The following AFF1 variants were observed in gnomAD, a reference collection of about 807,000 sequenced individuals.
The protein encoded by AFF1 is AF4/FMR2 family member 1.
Under a neutral mutation model 121.7 loss-of-function variants are expected in AFF1, and 48 were observed. That is an observed-to-expected ratio of 0.39 (90% CI 0.31 to 0.50). The LOEUF (loss-of-function observed/expected upper bound fraction) is 0.50, where lower values mean the gene tolerates loss of function less well. Among genes scored for constraint, AFF1 ranks in the 20% least tolerant of loss-of-function variants. The probability of loss-of-function intolerance (pLI) is 0.76; values close to 1 mark genes in which losing one functional copy is unlikely to be tolerated. For missense variants in AFF1, 1,523 were observed against 1,511.7 expected (o/e 1.01, Z -0.12); for synonymous variants, 613 against 563.0 (o/e 1.09, Z -1.26).
chr4:87,087,848 C>T (rs147680225), intron 5 of AFF1, among the ~76,000 whole-genome samples: 3 of 151,500 alleles, frequency 2.0e-5, no homozygotes, highest in Non-Finnish European at 4.4e-5. Context: ...TTTTCAGATA[C>T]CTTCTCAATT....
intron 4 of AFF1, among the ~76,000 whole-genome samples, chr4:87,081,150 G>A (rs112827642): frequency 0.017 from 1,881 of 112,174 alleles, 21 homozygotes; most frequent in Non-Finnish European, 0.025. Flanking sequence ...CTAATGAAAT[G>A]AATTTTTTTT....
intron 14 of AFF1, 56 bp from the exon 15 acceptor site, chr4:87,126,970 A>G: frequency 6.8e-7 from 1 of 1,468,210 alleles, no homozygotes; most frequent in South Asian, 1.1e-5. Flanking sequence ...TGGTACTTTT[A>G]GGACAGTGGT....
intron 2 of AFF1, among the ~76,000 whole-genome samples, chr4:87,030,882 G>A (rs1355229143): frequency 6.6e-6 from 1 of 152,136 alleles, no homozygotes; most frequent in African/African-American, 2.4e-5. Flanking sequence ...AGCAAAAGGG[G>A]TCTGGGAATG....
intron 12 of AFF1, 102 bp downstream of exon 12, chr4:87,115,401 TCA>T (rs1727004483): frequency 8.4e-7 from 1 of 1,196,388 alleles, no homozygotes; most frequent in African/African-American, 1.5e-5. Context: ...TTGAGTTGTC[TCA>T]CAAGTCTTTG....
At position 87,026,537 on chromosome 4, in the gene AFF1, G is replaced by A. The variant is rs537835460; in HGVS notation, c.39-19629G>A. Among the ~76,000 whole-genome samples, 8 of 152,274 alleles carry A rather than the reference G, an allele frequency of 5.3e-5. No individual in the cohort carries two copies. The East Asian group carries it at 1.4e-3, about 26-fold the overall frequency. The stretch of plus-strand genomic sequence containing the variant: ...CTGACAAACAGCAGTCTCTGTGTGG[G>A]GACCTTGAGTGGCCATCCAGTTGCT... On this transcript the variant is annotated intron_variant, in intron 2 of 20. Transcript: ENST00000395146.
chr4:87,038,254 C>T (rs1321887048), intron 2 of AFF1, among the ~76,000 whole-genome samples: 3 of 152,148 alleles, frequency 2.0e-5, no homozygotes, highest in Non-Finnish European at 4.4e-5. Flanking sequence ...GACGATTTAG[C>T]TGAGTGATTT....
chr4:86,987,458 T>A (rs1724377328), intron 2 of AFF1, among the ~76,000 whole-genome samples: 1 of 152,050 alleles, frequency 6.6e-6, no homozygotes, highest in Non-Finnish European at 1.5e-5. Context: ...TCAGGGGTCA[T>A]TTAGGGTCTT....
intron 2 of AFF1, among the ~76,000 whole-genome samples, chr4:86,987,867 C>T (rs556554407): frequency 4.6e-5 from 7 of 151,454 alleles, no homozygotes; most frequent in Admixed American, 2.0e-4. Flanking sequence ...GTAGGAGGAT[C>T]GCCTGAGCCC....
Position 87,114,875 on chromosome 4 carries a change from G to C in AFF1, c.2042G>C (p.Ser681Thr). 6.2e-7 allele frequency: 1 copy of C among 1,613,844 alleles called. No individual in the cohort carries two copies. The highest frequency in any genetic ancestry group is 8.5e-7 in the Non-Finnish European group (1 of 1,179,926). ...TCCAGTGAGAAGAAGAAGCACAAGA[G>C]CTCCCTCCCTGCCCCCTCTAAGGCT... The part of the protein sequence containing the change: ...PPSSEKKKHK[S>T]SLPAPSKALS... The change falls in exon 12 of 21, where the codon AGC (serine) becomes ACC (threonine). Residue 681 changes from serine to threonine, a missense_variant. Coordinates refer to ENST00000395146, the MANE Select transcript of AFF1 (RefSeq NM_001166693.3).
At chr4:86,964,111 C>A (rs1722357320) in intron 2 of AFF1, among the ~76,000 whole-genome samples, 1 of 150,258 alleles carries the variant, frequency 6.7e-6, no homozygotes, top group South Asian at 2.1e-4. Flanking sequence ...AACCACCATG[C>A]CTGGGTTGTT....
At chr4:87,017,547 C>G (rs1027363701) in intron 2 of AFF1, among the ~76,000 whole-genome samples, 2 of 152,226 alleles carry the variant, frequency 1.3e-5, no homozygotes, top group African/African-American at 4.8e-5. Flanking sequence ...CTCCACAACT[C>G]ATAAACCCCT....
rs534176059 is a variant in AFF1 at position 87,111,941 on chromosome 4, T to TG, written c.1534-2419dup. ...CTCAGTACTGTCCTGTTTTGAGGGT[T>TG]GGGGGGGAAACCAGATGTTATTTAT... On this transcript the variant is annotated intron_variant, in intron 11 of 20. Coordinates refer to ENST00000395146, the MANE Select transcript of AFF1 (RefSeq NM_001166693.3). 2.6e-4 allele frequency among the ~76,000 whole-genome samples: 39 copies of TG among 152,244 alleles called. No individual in the cohort carries two copies. In the East Asian group the frequency reaches 6.2e-3, roughly 24 times the overall value.
intron 2 of AFF1, among the ~76,000 whole-genome samples, chr4:86,973,528 A>G (rs757921271): frequency 9.8e-5 from 15 of 152,290 alleles, no homozygotes; most frequent in East Asian, 5.8e-4. Flanking sequence ...GGTATGGCCA[A>G]AATTTTTTAA....
At chr4:87,109,992 T>G (rs1199343463) in intron 11 of AFF1, among the ~76,000 whole-genome samples, 1 of 152,222 alleles carries the variant, frequency 6.6e-6, no homozygotes, top group Non-Finnish European at 1.5e-5. Flanking sequence ...TTTAACTACA[T>G]CTCTTTCCTT....
At chr4:87,125,385 G>T in intron 13 of AFF1, 1 of 320,220 alleles carries the variant, frequency 3.1e-6, no homozygotes, top group Non-Finnish European at 5.6e-6. Flanking sequence ...AATTTCTTTA[G>T]ACATCTGGAT....
chr4:87,045,758 C>T (rs558231928), intron 2 of AFF1, among the ~76,000 whole-genome samples: 4 of 152,198 alleles, frequency 2.6e-5, no homozygotes, highest in African/African-American at 7.2e-5. Flanking sequence ...GGAAAACGGC[C>T]TTTCTAAAGT....
intron 1 of AFF1, among the ~76,000 whole-genome samples, chr4:86,939,256 A>G (rs183698132): frequency 4.0e-5 from 6 of 150,848 alleles, no homozygotes; most frequent in African/African-American, 1.4e-4. Flanking sequence ...TTTTAAAATC[A>G]GGAAATTGAG....
At chr4:87,018,817 G>A (rs1477082852) in intron 2 of AFF1, among the ~76,000 whole-genome samples, 1 of 152,106 alleles carries the variant, frequency 6.6e-6, no homozygotes, top group African/African-American at 2.4e-5. Context: ...AGGCTTAATT[G>A]GCACATAAAT....
chr4:87,118,691 G>T (rs953074433), intron 12 of AFF1, among the ~76,000 whole-genome samples: 3 of 152,066 alleles, frequency 2.0e-5, no homozygotes, highest in Admixed American at 1.3e-4. Flanking sequence ...TCACTTTGTT[G>T]CCCAGGCTGG....
Sources: allele counts gnomAD v4.1 joint callset (sites outside exome capture counted in the v4.1 genomes callset), GRCh38; gene constraint gnomAD v4.1.1; transcripts MANE v1.5; gene names NCBI Gene and HGNC (gene_info 2026-07-23, HGNC 2026-07-21).